CRHBP: variants seen among roughly 807,000 people sequenced by gnomAD.
CRHBP encodes corticotropin-releasing hormone-binding protein.
Under a neutral mutation model 34.9 loss-of-function variants are expected in CRHBP, and 19 were observed. The observed-to-expected ratio is 0.55, with a 90% confidence interval of 0.38 to 0.80. The LOEUF is 0.80. Among genes scored for constraint, CRHBP ranks in the 30% least tolerant of loss-of-function variants. The probability of loss-of-function intolerance (pLI) is 0.00; values close to 1 mark genes in which losing one functional copy is unlikely to be tolerated. For missense variants in CRHBP, 328 were observed against 409.2 expected (o/e 0.80, Z 1.71); for synonymous variants, 154 against 153.4 (o/e 1.00, Z -0.03).
At position 76,968,794 on chromosome 5, in the gene CRHBP, G is replaced by C; in HGVS notation, c.878G>C (p.Arg293Pro). Residue 293 changes from arginine to proline, a missense_variant, in exon 7 of 7, where the codon CGT (arginine) becomes CCT (proline). By Grantham distance (103) the Arg-to-Pro change is moderately radical. Transcript: ENST00000274368. ...GTCTCCAGTGGAAAACACGTAAATC[G>C]TGTGACTTTTGAGTATCGTCAGCTG... ...RMVSSGKHVN[R>P]VTFEYRQLEP... 1 of 1,614,126 alleles carries C rather than the reference G, an allele frequency of 6.2e-7. No homozygotes were observed. Among genetic ancestry groups the C allele is most frequent in the Non-Finnish European group, 8.5e-7 (1 of 1,179,990 alleles).
At chr5:76,975,481 C>T (rs1746010729) in intron 2 of CRHBP, among the ~76,000 whole-genome samples, 1 of 151,704 alleles carries the variant, frequency 6.6e-6, no homozygotes, top group African/African-American at 2.4e-5. Flanking sequence ...GTCTCAAATA[C>T]AGGGGAGGGT....
chr5:76,965,027 C>T (rs1233477881), intron 6 of CRHBP, among the ~76,000 whole-genome samples: 2 of 150,188 alleles, frequency 1.3e-5, no homozygotes, highest in Admixed American at 1.3e-4. Flanking sequence ...AAAAAAAACA[C>T]ACAAAAAAAT....
intron 3 of CRHBP, among the ~76,000 whole-genome samples, chr5:76,980,075 C>G (rs926871157): frequency 4.6e-5 from 7 of 151,206 alleles, no homozygotes; most frequent in Admixed American, 4.6e-4. Context: ...CACGGTGAAA[C>G]CCCGTCTCTA....
intron 2 of CRHBP, 51 bp downstream of exon 2, chr5:76,953,745 G>T (rs1310144577): frequency 6.5e-7 from 1 of 1,531,422 alleles, no homozygotes; most frequent in East Asian, 2.4e-5. Context: ...GGGAAGGTGG[G>T]ACTCTGTGCG....
At chr5:76,973,807 C>CCATTTTATTT (rs1745981202), downstream of CRHBP, among the ~76,000 whole-genome samples, 1 of 150,752 alleles carries the variant, frequency 6.6e-6, no homozygotes, top group Non-Finnish European at 1.5e-5. Context: ...CTCTTGCTTG[C>CCATTTTATTT]TATTTTATTT....
chr5:76,955,624 T>C, intron 3 of CRHBP, 29 bp from the exon 4 acceptor site: 8 of 1,601,708 alleles, frequency 5.0e-6, no homozygotes, highest in Non-Finnish European at 6.8e-6. Flanking sequence ...ATGGAAATGA[T>C]AGCATCTATG....
chr5:76,975,832 A>ATATCTATCTATC (rs1554043499), intron 2 of CRHBP, among the ~76,000 whole-genome samples: 38 of 98,226 alleles, frequency 3.9e-4, no homozygotes, highest in African/African-American at 1.9e-3. Context: ...AAAAATATAT[A>ATATCTATCTATC]TATATATATA....
chr5:76,957,331 GA>G (rs934350080), intron 4 of CRHBP, among the ~76,000 whole-genome samples: 1 of 151,950 alleles, frequency 6.6e-6, no homozygotes, highest in East Asian at 1.9e-4. Flanking sequence ...CCAGTAATCA[GA>G]AAAAAAAGTA....
chr5:76,953,956 A>G, intron 2 of CRHBP, 73 bp from the exon 3 acceptor site: 1 of 1,517,296 alleles, frequency 6.6e-7, no homozygotes, highest in Non-Finnish European at 8.8e-7. Flanking sequence ...GGGCGCGCGG[A>G]GAGCGGCCGC....
downstream of CRHBP, among the ~76,000 whole-genome samples, chr5:76,974,016 A>G (rs1745984783): frequency 2.7e-5 from 4 of 150,020 alleles, no homozygotes; most frequent in South Asian, 8.4e-4. Context: ...ATTTTTAGAC[A>G]GGGTCTCACT....
intron 3 of CRHBP, among the ~76,000 whole-genome samples, chr5:76,954,807 G>C (rs936389568): frequency 1.3e-5 from 2 of 152,150 alleles, no homozygotes; most frequent in African/African-American, 2.4e-5. Flanking sequence ...GATTCCAGTC[G>C]TCAGACTCCA....
At chr5:76,957,680 G>A (rs1042224328) in intron 4 of CRHBP, among the ~76,000 whole-genome samples, 50 of 151,878 alleles carry the variant, frequency 3.3e-4, no homozygotes, top group African/African-American at 1.1e-3. Flanking sequence ...CACCACTCCC[G>A]GCCAATGTAT....
chr5:76,973,040 C>T (rs1410847607), downstream of CRHBP, among the ~76,000 whole-genome samples: 1 of 152,200 alleles, frequency 6.6e-6, no homozygotes, highest in Non-Finnish European at 1.5e-5. Context: ...ATGCAAGAAG[C>T]CTGCATCTCT....
At position 76,953,701 on chromosome 5, in the gene CRHBP, C is replaced by T. The variant is rs1364306754; in HGVS notation, c.175+7C>T. 1.9e-6 allele frequency: 3 copies of T among 1,602,246 alleles called. No individual in the cohort carries two copies. The African/African-American group carries it at 4.0e-5, about 21-fold the overall frequency. On this transcript the variant is annotated splice_region_variant and intron_variant, in intron 2 of 6. Coordinates refer to ENST00000274368, the MANE Select transcript of CRHBP (RefSeq NM_001882.4). ...CCGTACCGCCGCGCTCTGCGTGAGTCGAGGCTGCCCGGCTCGCGGGCGCCC... is the reference window on the plus strand; with the variant it reads ...CCGTACCGCCGCGCTCTGCGTGAGTTGAGGCTGCCCGGCTCGCGGGCGCCC...
intron 1 of CRHBP, 189 bp downstream of exon 1, chr5:76,953,404 G>T: frequency 1.2e-6 from 1 of 827,088 alleles, no homozygotes; most frequent in Non-Finnish European, 2.0e-6. Flanking sequence ...CTGCCTGCCT[G>T]CCTTCCTCTG....
At chr5:76,972,219 G>T (rs918691694), downstream of CRHBP, among the ~76,000 whole-genome samples, 3 of 151,912 alleles carry the variant, frequency 2.0e-5, no homozygotes, top group Non-Finnish European at 4.4e-5. Flanking sequence ...AAAATTATAG[G>T]CTGGGCGCAG....
At chr5:76,978,495 G>A (rs2150712525) in intron 3 of CRHBP, among the ~76,000 whole-genome samples, 1 of 152,252 alleles carries the variant, frequency 6.6e-6, no homozygotes, top group East Asian at 1.9e-4. Context: ...TTACAGCATG[G>A]TTTACTGGAT....
chr5:76,963,306 T>C (rs745595445), intron 5 of CRHBP, 37 bp from the exon 6 acceptor site: 4 of 1,583,610 alleles, frequency 2.5e-6, no homozygotes, highest in East Asian at 2.2e-5. Context: ...CTGTAATTGG[T>C]TTAAATGTGT....
At chr5:76,975,890 A>T (rs2150711863) in intron 2 of CRHBP, among the ~76,000 whole-genome samples, 1 of 135,394 alleles carries the variant, frequency 7.4e-6, no homozygotes, top group East Asian at 2.2e-4. Flanking sequence ...ATATATACAC[A>T]CGTGTATATA....
Sources: allele counts gnomAD v4.1 joint callset (sites outside exome capture counted in the v4.1 genomes callset), GRCh38; gene constraint gnomAD v4.1.1; transcripts MANE v1.5; gene names NCBI Gene and HGNC (gene_info 2026-07-23, HGNC 2026-07-21).